The following SLC24A2 variants were observed in gnomAD, a reference collection of about 807,000 sequenced individuals.
SLC24A2 encodes the protein sodium/potassium/calcium exchanger 2.
A neutral mutation model predicts 62.0 loss-of-function variants in SLC24A2; 36 were observed. That is an observed-to-expected ratio of 0.58 (90% CI 0.44 to 0.77). The LOEUF (loss-of-function observed/expected upper bound fraction) is 0.77. Among genes scored for constraint, SLC24A2 ranks in the 30% least tolerant of loss-of-function variants. The pLI, the probability that SLC24A2 is intolerant of heterozygous loss-of-function variation, is 0.00. For missense variants in SLC24A2, 846 were observed against 817.9 expected (o/e 1.03, Z -0.42); for synonymous variants, 358 against 294.0 (o/e 1.22, Z -2.23).
At chr9:20,177,532 T>A in the SLC24A2 span, among the ~76,000 whole-genome samples, 1 of 152,106 alleles carries the variant, frequency 6.6e-6, no homozygotes, top group Non-Finnish European at 1.5e-5. Flanking sequence ...CCCCGTTAGA[T>A]GATCTGATCA....
At chr9:20,140,787 T>C in the SLC24A2 span, among the ~76,000 whole-genome samples, 9 of 152,092 alleles carry the variant, frequency 5.9e-5, no homozygotes, top group Non-Finnish European at 8.8e-5. Context: ...CAATACATTA[T>C]GATTATTGTA....
the SLC24A2 span, among the ~76,000 whole-genome samples, chr9:20,043,807 G>A: frequency 6.6e-6 from 1 of 151,944 alleles, no homozygotes; most frequent in East Asian, 1.9e-4. Context: ...TTGAAATGAT[G>A]AAGAGGATTT....
the SLC24A2 span, among the ~76,000 whole-genome samples, chr9:20,299,762 G>A: frequency 3.3e-5 from 5 of 152,190 alleles, no homozygotes; most frequent in Non-Finnish European, 7.4e-5. Flanking sequence ...TGGAGACAAA[G>A]AAACTCGTTC....
chr9:19,560,940 G>GACAGAC (rs60637938), intron 7 of SLC24A2, among the ~76,000 whole-genome samples: 3,740 of 130,436 alleles, frequency 0.029, 82 homozygotes, highest in African/African-American at 0.057. Context: ...GAGAGAGAGA[G>GACAGAC]AGAGAGACAG....
chr9:19,851,815 G>T, the SLC24A2 span, among the ~76,000 whole-genome samples: 1 of 152,084 alleles, frequency 6.6e-6, no homozygotes, highest in African/African-American at 2.4e-5. Context: ...CTTTATAATA[G>T]AATTATTTAT....
the SLC24A2 span, among the ~76,000 whole-genome samples, chr9:20,065,521 C>T: frequency 2.7e-3 from 409 of 152,288 alleles, 1 homozygote; most frequent in African/African-American, 9.5e-3. Context: ...ACATGACAAG[C>T]ACTATTAGGT....
chr9:19,968,626 C>T, the SLC24A2 span, among the ~76,000 whole-genome samples: 4 of 152,114 alleles, frequency 2.6e-5, no homozygotes. Context: ...TCATGTAGTG[C>T]ACATGTAGGA....
chr9:19,594,709 G>A (rs1183166434), intron 5 of SLC24A2, among the ~76,000 whole-genome samples: 2 of 152,184 alleles, frequency 1.3e-5, no homozygotes, highest in Non-Finnish European at 2.9e-5. Context: ...CACAGTTATT[G>A]CCCCAAACAT....
At chr9:20,246,887 C>T in the SLC24A2 span, among the ~76,000 whole-genome samples, 1 of 152,220 alleles carries the variant, frequency 6.6e-6, no homozygotes, top group Non-Finnish European at 1.5e-5. Flanking sequence ...ATCTCCACTG[C>T]CAACACCAAT....
At chr9:19,986,055 TA>T in the SLC24A2 span, among the ~76,000 whole-genome samples, 1 of 152,120 alleles carries the variant, frequency 6.6e-6, no homozygotes, top group East Asian at 1.9e-4. Flanking sequence ...CCAGAATAGA[TA>T]AAGAATCATT....
the SLC24A2 span, among the ~76,000 whole-genome samples, chr9:19,847,778 T>C: frequency 6.6e-6 from 1 of 152,180 alleles, no homozygotes; most frequent in African/African-American, 2.4e-5. Flanking sequence ...TGTACTTGTT[T>C]ACCATCCTAA....
chr9:19,730,530 G>C (rs1018842213), intron 2 of SLC24A2, among the ~76,000 whole-genome samples: 3 of 151,964 alleles, frequency 2.0e-5, no homozygotes, highest in African/African-American at 4.8e-5. Context: ...AGAATGCTAG[G>C]CCATTATTTC....
chr9:19,876,874 G>C, the SLC24A2 span, among the ~76,000 whole-genome samples: 1 of 152,000 alleles, frequency 6.6e-6, no homozygotes, highest in Non-Finnish European at 1.5e-5. Context: ...ATCTAAGTAA[G>C]TTCAAGCTGC....
chr9:19,762,518 T>G (rs536729073), intron 2 of SLC24A2, among the ~76,000 whole-genome samples: 1 of 152,340 alleles, frequency 6.6e-6, no homozygotes, highest in Non-Finnish European at 1.5e-5. Context: ...GTTTCAGCTT[T>G]CTGCATATGG....
chr9:19,890,257 T>A, the SLC24A2 span, among the ~76,000 whole-genome samples: 1 of 152,194 alleles, frequency 6.6e-6, no homozygotes, highest in Non-Finnish European at 1.5e-5. Context: ...ACTGACATTG[T>A]ATTGCTTATG....
chr9:20,106,039 A>T, the SLC24A2 span, among the ~76,000 whole-genome samples: 1 of 152,244 alleles, frequency 6.6e-6, no homozygotes, highest in Non-Finnish European at 1.5e-5. Context: ...CCACAGAAAT[A>T]CAAACTACCA....
At chr9:19,560,021 C>G (rs1383662028) in intron 7 of SLC24A2, among the ~76,000 whole-genome samples, 1 of 151,952 alleles carries the variant, frequency 6.6e-6, no homozygotes, top group African/African-American at 2.4e-5. Flanking sequence ...CTTTTGGGAC[C>G]CTGAAACTGT....
chr9:19,959,534 T>C, the SLC24A2 span, among the ~76,000 whole-genome samples: 2 of 152,236 alleles, frequency 1.3e-5, no homozygotes, highest in Non-Finnish European at 2.9e-5. Context: ...AAACTCTTAC[T>C]GTATCACTGT....
chr9:19,591,730 C>A (rs79699122), intron 5 of SLC24A2, among the ~76,000 whole-genome samples: 3,053 of 152,260 alleles, frequency 0.02, 43 homozygotes, highest in Non-Finnish European at 0.026. Flanking sequence ...GAGCCTGGGT[C>A]TTGAATTATT....
Sources: allele counts gnomAD v4.1 joint callset (sites outside exome capture counted in the v4.1 genomes callset), GRCh38; gene constraint gnomAD v4.1.1; transcripts MANE v1.5; gene names NCBI Gene and HGNC (gene_info 2026-07-23, HGNC 2026-07-21).